MARCHF1: variants seen among roughly 807,000 people sequenced by gnomAD.
The protein encoded by MARCHF1 is E3 ubiquitin-protein ligase MARCHF1.
MARCHF1 carries 40 observed loss-of-function variants against 54.2 expected under a neutral mutation model. The ratio of observed to expected loss-of-function variants is 0.74; its 90% CI spans 0.57 to 0.96. The LOEUF (loss-of-function observed/expected upper bound fraction) is 0.96. Among genes scored for constraint, MARCHF1 ranks in the 40% least tolerant of loss-of-function variants. MARCHF1 has a pLI of 0.00. For synonymous variants in MARCHF1, 236 were observed against 236.3 expected, an observed-to-expected ratio of 1.00 and a Z score of 0.01; for missense variants, 586 against 656.5, an observed-to-expected ratio of 0.89 and a Z score of 1.17.
chr4:164,186,986 T>C (rs1325100174), intron 1 of MARCHF1, among the ~76,000 whole-genome samples: 4 of 152,076 alleles, frequency 2.6e-5, no homozygotes, highest in African/African-American at 9.6e-5. Context: ...CAATATGACT[T>C]GAGATGGTAT....
chr4:163,683,333 TG>T (rs1277483863), intron 5 of MARCHF1, among the ~76,000 whole-genome samples: 1 of 152,148 alleles, frequency 6.6e-6, no homozygotes, highest in Non-Finnish European at 1.5e-5. Flanking sequence ...CATCAGATCT[TG>T]TGAGACATAT....
rs532894499 is a variant in MARCHF1 at position 163,735,424 on chromosome 4, A to C, written c.112-34561T>G. Among the ~76,000 whole-genome samples, 21 of 152,294 alleles carry C rather than the reference A, an allele frequency of 1.4e-4. No individual in the cohort carries two copies. In the South Asian group the frequency reaches 1.7e-3, roughly 12 times the overall value. ...CAGTCAATAAAGATTTATTGACACA[A>C]ATATCTAGACACAGGCTGTCTTAGT... On this transcript the variant is annotated intron_variant, in intron 4 of 9. Transcript: ENST00000514618.
At position 163,972,303 on chromosome 4, in the gene MARCHF1, A is replaced by G. The variant is rs182869095; in HGVS notation, c.-39+16198T>C. ...CATGGAACATTTATACCTATGTAAC[A>G]AACCTGCACGTTCTGCACATGTATC... On this transcript the variant is annotated intron_variant, in intron 3 of 9. Coordinates refer to ENST00000514618, the MANE Select transcript of MARCHF1 (RefSeq NM_001394959.1). 6.6e-3 allele frequency among the ~76,000 whole-genome samples: 1,002 copies of G among 152,288 alleles called. 4 individuals carry two copies. The highest frequency in any genetic ancestry group is 9.0e-3 in the Non-Finnish European group (609 of 68,028).
intron 8 of MARCHF1, among the ~76,000 whole-genome samples, chr4:163,547,967 TTAA>T (rs1170165798): frequency 2.0e-5 from 3 of 152,160 alleles, no homozygotes; most frequent in African/African-American, 7.2e-5. Context: ...AGGGTAAATA[TTAA>T]TAATGTGATT....
At chr4:163,805,542 T>A (rs969503722) in intron 4 of MARCHF1, among the ~76,000 whole-genome samples, 9 of 152,186 alleles carry the variant, frequency 5.9e-5, no homozygotes, top group African/African-American at 2.2e-4. Context: ...TGCACAGAAG[T>A]AGCAGCATGA....
At chr4:164,038,729 T>G (rs1432447499) in intron 2 of MARCHF1, among the ~76,000 whole-genome samples, 1 of 152,194 alleles carries the variant, frequency 6.6e-6, no homozygotes, top group Non-Finnish European at 1.5e-5. Context: ...TGTATCCACT[T>G]GTGTCAGCTC....
chr4:164,128,360 CAAAAGAT>C (rs1351550512), intron 1 of MARCHF1, among the ~76,000 whole-genome samples: 5 of 151,812 alleles, frequency 3.3e-5, no homozygotes, highest in South Asian at 4.2e-4. Flanking sequence ...CATGCAAATT[CAAAAGAT>C]AAAACTGAAA....
chr4:163,612,796 G>T lies in MARCHF1; in HGVS notation c.485C>A (p.Ser162Ter). The T allele has an allele frequency of 6.5e-7, 1 of 1,535,164 alleles. No individual in the cohort carries two copies. The highest frequency in any genetic ancestry group is 8.7e-7 in the Non-Finnish European group (1 of 1,146,490). ...CCAATGACTCTCATCTGTGGAAGATGAATCTGAAGAATCTGTGTAAAGCTC... is the reference window on the plus strand; with the variant it reads ...CCAATGACTCTCATCTGTGGAAGATTAATCTGAAGAATCTGTGTAAAGCTC... ...WRELYTDSSD[S>*]SSTDESHWIQ... Residue 162 changes from serine to a stop codon, truncating the protein, a stop_gained, in exon 7 of 10, where the codon TCA (serine) becomes TAA (stop). Transcript: ENST00000514618. LOFTEE classifies it high-confidence loss of function.
intron 8 of MARCHF1, among the ~76,000 whole-genome samples, chr4:163,551,522 G>C (rs904932048): frequency 6.6e-6 from 1 of 152,212 alleles, no homozygotes; most frequent in Non-Finnish European, 1.5e-5. Flanking sequence ...AACAAAGCCA[G>C]GTAGGTGGTA....
Position 163,916,511 on chromosome 4 carries a change from A to G in MARCHF1, c.-38-62342T>C, listed in dbSNP as rs534573735. ...ATTAAGAGAAAAGGTGATTGTGAAGATGTGCCTGTGAATAGCCAGAGACAT... is the reference window on the plus strand; with the variant it reads ...ATTAAGAGAAAAGGTGATTGTGAAGGTGTGCCTGTGAATAGCCAGAGACAT... On this transcript the variant is annotated intron_variant, in intron 3 of 9. Coordinates refer to ENST00000514618, the MANE Select transcript of MARCHF1 (RefSeq NM_001394959.1). 5.1e-5 allele frequency among the ~76,000 whole-genome samples: 6 copies of G among 116,980 alleles called. No homozygotes were observed. The South Asian group carries it at 1.5e-3, about 29-fold the overall frequency. The allele number at this position is 116,980 out of a possible 152,430, so 76.7% of individuals were successfully genotyped here. A position where few individuals can be genotyped will look rare whatever the true frequency, so the allele number is the denominator to read the frequency against.
At chr4:164,280,946 T>C (rs1447569822) in intron 1 of MARCHF1, among the ~76,000 whole-genome samples, 2 of 152,140 alleles carry the variant, frequency 1.3e-5, no homozygotes, top group African/African-American at 2.4e-5. Context: ...GACTGAGCAA[T>C]TGTACAATAC....
intron 4 of MARCHF1, among the ~76,000 whole-genome samples, chr4:163,785,280 T>C (rs1043947629): frequency 1.3e-5 from 2 of 152,112 alleles, no homozygotes; most frequent in African/African-American, 4.8e-5. Context: ...CCTCCAATTA[T>C]ATTAATTTTG....
In MARCHF1 at chr4:163,525,472, A is replaced by C. The variant is rs1738070454; in HGVS notation, c.*3276T>G. On this transcript the variant is annotated 3_prime_UTR_variant, in exon 10 of 10. Transcript: ENST00000514618. ...CAGGTTGTTGGGCTCACTTTAGTTT[A>C]GATTTTGTTCATTTTTATTTTGTTT... 1 of 152,094 alleles carries C rather than the reference A, an allele frequency of 6.6e-6. No individual in the cohort carries two copies. Among genetic ancestry groups the C allele is most frequent in the African/African-American group, 2.4e-5 (1 of 41,438 alleles). The allele number at this position is 152,094 out of a possible 1,614,324, so 9.4% of individuals were successfully genotyped here. A position where few individuals can be genotyped will look rare whatever the true frequency, so the allele number is the denominator to read the frequency against.
At chr4:164,016,047 G>A (rs555737440) in intron 2 of MARCHF1, among the ~76,000 whole-genome samples, 2 of 152,232 alleles carry the variant, frequency 1.3e-5, no homozygotes, top group African/African-American at 4.8e-5. Context: ...CTAAGATATG[G>A]AATCAACCTC....
chr4:164,139,989 C>T (rs575487245), intron 1 of MARCHF1, among the ~76,000 whole-genome samples: 43 of 152,054 alleles, frequency 2.8e-4, no homozygotes, highest in Admixed American at 1.2e-3. Flanking sequence ...GTTAATTGAT[C>T]TGTTTTTTCA....
chr4:163,794,762 T>C (rs1747865345), intron 4 of MARCHF1, among the ~76,000 whole-genome samples: 1 of 152,236 alleles, frequency 6.6e-6, no homozygotes, highest in South Asian at 2.1e-4. Flanking sequence ...TACTTGTTGA[T>C]TCTACAGAGA....
At chr4:163,814,546 T>C (rs1748482803) in intron 4 of MARCHF1, among the ~76,000 whole-genome samples, 1 of 152,168 alleles carries the variant, frequency 6.6e-6, no homozygotes, top group South Asian at 2.1e-4. Context: ...ATCAAGCCAT[T>C]GCACTCTAGC....
chr4:164,351,395 C>T (rs1276266701), intron 1 of MARCHF1, among the ~76,000 whole-genome samples: 3 of 151,056 alleles, frequency 2.0e-5, no homozygotes, highest in Non-Finnish European at 3.0e-5. Context: ...GTGGTTCTCC[C>T]AGCAGGCAGC....
chr4:163,823,105 G>A (rs1488343690), intron 4 of MARCHF1, among the ~76,000 whole-genome samples: 2 of 151,762 alleles, frequency 1.3e-5, no homozygotes, highest in African/African-American at 2.4e-5. Flanking sequence ...TAACAAAATT[G>A]GGAGAGTTAG....
Sources: allele counts gnomAD v4.1 joint callset (sites outside exome capture counted in the v4.1 genomes callset), GRCh38; gene constraint gnomAD v4.1.1; transcripts MANE v1.5; gene names NCBI Gene and HGNC (gene_info 2026-07-23, HGNC 2026-07-21).